The following CDH13 variants were observed in gnomAD, a reference collection of about 807,000 sequenced individuals.
CDH13 encodes the protein cadherin-13.
CDH13 carries 24 observed loss-of-function variants against 63.8 expected under a neutral mutation model. The observed-to-expected ratio is 0.38, with a 90% CI of 0.27 to 0.53. CDH13 has a LOEUF of 0.53. Among genes scored for constraint, CDH13 ranks in the 20% least tolerant of loss-of-function variants. The probability of loss-of-function intolerance (pLI) is 0.85; values close to 1 mark genes in which losing one functional copy is unlikely to be tolerated. For synonymous variants in CDH13, 503 were observed against 355.3 expected, an observed-to-expected ratio of 1.42 and a Z score of -4.67; for missense variants, 1,049 against 903.1, an observed-to-expected ratio of 1.16 and a Z score of -2.07.
chr16:83,116,126 C>G (rs1177371927), intron 3 of CDH13, among the ~76,000 whole-genome samples: 2 of 152,182 alleles, frequency 1.3e-5, no homozygotes, highest in Admixed American at 1.3e-4. Context: ...AGTGCGGTCC[C>G]AGCTGTAGAA....
chr16:82,924,109 C>A (rs999025909), intron 2 of CDH13, among the ~76,000 whole-genome samples: 1 of 152,210 alleles, frequency 6.6e-6, no homozygotes. Flanking sequence ...TGGTATATAA[C>A]TAGTTTCCCT....
chr16:82,951,837 C>T (rs913968394), intron 2 of CDH13, among the ~76,000 whole-genome samples: 2 of 152,166 alleles, frequency 1.3e-5, no homozygotes, highest in East Asian at 1.9e-4. Flanking sequence ...TCAGGAGGCT[C>T]AGTATATCTT....
At chr16:82,792,016 C>G (rs961458168) in intron 1 of CDH13, among the ~76,000 whole-genome samples, 3 of 152,126 alleles carry the variant, frequency 2.0e-5, no homozygotes, top group Non-Finnish European at 2.9e-5. Context: ...TGGGTGGGGA[C>G]ACAAAGGCTT....
intron 2 of CDH13, among the ~76,000 whole-genome samples, chr16:83,023,830 T>A (rs773946107): frequency 3.9e-5 from 6 of 152,176 alleles, no homozygotes; most frequent in Non-Finnish European, 8.8e-5. Context: ...TGATTATAAT[T>A]GGTGAGAATG....
At chr16:83,602,297 A>G (rs1473861717) in intron 7 of CDH13, among the ~76,000 whole-genome samples, 157 bp from the exon 8 acceptor site, 1 of 152,120 alleles carries the variant, frequency 6.6e-6, no homozygotes, top group East Asian at 1.9e-4. Context: ...CCAAAGGCAC[A>G]TTTATACACA....
intron 1 of CDH13, among the ~76,000 whole-genome samples, chr16:82,663,713 G>T (rs932784993): frequency 6.6e-6 from 1 of 152,156 alleles, no homozygotes; most frequent in Non-Finnish European, 1.5e-5. Context: ...CTGTTGATCT[G>T]GTTGTCTGAT....
intron 3 of CDH13, among the ~76,000 whole-genome samples, chr16:83,041,270 C>T (rs1567773178): frequency 6.6e-6 from 1 of 152,022 alleles, no homozygotes; most frequent in Admixed American, 6.6e-5. Context: ...AAAGTTATGA[C>T]AGAAGCTGAA....
intron 3 of CDH13, among the ~76,000 whole-genome samples, chr16:83,076,565 C>G (rs953042731): frequency 6.6e-6 from 1 of 152,044 alleles, no homozygotes; most frequent in African/African-American, 2.4e-5. Context: ...CACCATGTGC[C>G]CATAACCTCG....
chr16:82,872,395 C>T (rs1211411878), intron 2 of CDH13, among the ~76,000 whole-genome samples: 4 of 152,290 alleles, frequency 2.6e-5, no homozygotes, highest in East Asian at 1.9e-4. Flanking sequence ...TGTTTCATTT[C>T]TGTTTTTCTT....
At chr16:83,092,085 G>A (rs953397822) in intron 3 of CDH13, among the ~76,000 whole-genome samples, 15 of 152,194 alleles carry the variant, frequency 9.9e-5, no homozygotes, top group Admixed American at 2.0e-4. Flanking sequence ...AAAGAACCAT[G>A]AAATAATAAG....
intron 5 of CDH13, among the ~76,000 whole-genome samples, chr16:83,341,994 C>CACACAA (rs1223838388): frequency 1.6e-5 from 2 of 126,542 alleles, no homozygotes; most frequent in South Asian, 5.0e-4. Flanking sequence ...CCCTGCCACA[C>CACACAA]ACACACACAC....
At chr16:83,116,406 G>C (rs970499680) in intron 3 of CDH13, among the ~76,000 whole-genome samples, 18 of 152,184 alleles carry the variant, frequency 1.2e-4, no homozygotes, top group African/African-American at 4.1e-4. Flanking sequence ...GATACGGGCA[G>C]GGATGTCCCC....
intron 10 of CDH13, among the ~76,000 whole-genome samples, chr16:83,726,662 C>T (rs189433288): frequency 1.3e-5 from 2 of 152,234 alleles, no homozygotes; most frequent in Admixed American, 6.5e-5. Flanking sequence ...GGTGAAACCC[C>T]GTCTCTACTA....
At chr16:83,093,868 C>G (rs578164547) in intron 3 of CDH13, among the ~76,000 whole-genome samples, 8 of 152,026 alleles carry the variant, frequency 5.3e-5, no homozygotes, top group East Asian at 1.9e-4. Context: ...AAAGCACTTG[C>G]AATAGTATAT....
At chr16:83,166,498 C>T (rs1052440955) in intron 4 of CDH13, among the ~76,000 whole-genome samples, 1 of 152,042 alleles carries the variant, frequency 6.6e-6, no homozygotes, top group Non-Finnish European at 1.5e-5. Flanking sequence ...AGATTTTTAT[C>T]GTCTCAGAAA....
intron 2 of CDH13, among the ~76,000 whole-genome samples, chr16:82,893,314 G>A (rs1182902524): frequency 6.6e-6 from 1 of 152,208 alleles, no homozygotes; most frequent in South Asian, 2.1e-4. Context: ...TCCAAAAATA[G>A]ATAAAGGCAC....
intron 7 of CDH13, among the ~76,000 whole-genome samples, chr16:83,538,683 A>C (rs1444184701): frequency 6.6e-6 from 1 of 152,210 alleles, no homozygotes; most frequent in Non-Finnish European, 1.5e-5. Context: ...GGATGTAGGC[A>C]CAGAAAGAAA....
At chr16:82,972,256 C>G (rs190806942) in intron 2 of CDH13, among the ~76,000 whole-genome samples, 1 of 152,128 alleles carries the variant, frequency 6.6e-6, no homozygotes, top group Non-Finnish European at 1.5e-5. Flanking sequence ...TATAGAGAAA[C>G]GGCCTGGGCA....
chr16:83,041,048 T>G (rs1294335194), intron 3 of CDH13, among the ~76,000 whole-genome samples: 1 of 152,156 alleles, frequency 6.6e-6, no homozygotes, highest in African/African-American at 2.4e-5. Flanking sequence ...GAGAAGAAAT[T>G]ATTTCTACAG....
Sources: gnomAD v4.1 joint callset for allele counts (sites outside exome capture counted in the v4.1 genomes callset) on GRCh38, gnomAD v4.1.1 for gene constraint, MANE v1.5 for transcripts, NCBI Gene and HGNC (gene_info 2026-07-23, HGNC 2026-07-21) for gene names.